The following GRID2 variants were observed in gnomAD, a reference collection of about 807,000 sequenced individuals.
GRID2 encodes the protein glutamate ionotropic receptor delta type subunit 2.
Under a neutral mutation model 114.8 loss-of-function variants are expected in GRID2, and 33 were observed. That is an observed-to-expected ratio of 0.29 (90% CI 0.22 to 0.38). The LOEUF is 0.38. Among genes scored for constraint, GRID2 ranks in the 10% least tolerant of loss-of-function variants. GRID2 has a pLI of 1.00. For synonymous variants in GRID2, 505 were observed against 449.9 expected, an observed-to-expected ratio of 1.12 and a Z score of -1.55; for missense variants, 1,184 against 1,257.7, an observed-to-expected ratio of 0.94 and a Z score of 0.89.
At chr4:93,718,561 T>A (rs1426433622) in intron 14 of GRID2, among the ~76,000 whole-genome samples, 1 of 152,208 alleles carries the variant, frequency 6.6e-6, no homozygotes, top group East Asian at 1.9e-4. Context: ...TTTTGTTTGA[T>A]GATTCATCCA....
chr4:92,528,819 G>GT (rs1452938069), intron 1 of GRID2, among the ~76,000 whole-genome samples: 10 of 83,650 alleles, frequency 1.2e-4, no homozygotes, highest in East Asian at 1.1e-3. Context: ...AGAACATCCT[G>GT]TAAAAAAAAA....
chr4:92,871,421 A>G (rs1346804639), intron 2 of GRID2, among the ~76,000 whole-genome samples: 4 of 152,182 alleles, frequency 2.6e-5, no homozygotes, highest in African/African-American at 9.7e-5. Flanking sequence ...AACTTAACCT[A>G]GAAGGTCCCT....
chr4:92,885,002 T>C, intron 2 of GRID2: 1 of 270,380 alleles, frequency 3.7e-6, no homozygotes, highest in Non-Finnish European at 7.5e-6. Context: ...TAATTACTGC[T>C]GCACAGTGTT....
chr4:93,535,225 TACACATAC>T (rs1410700886), intron 13 of GRID2, among the ~76,000 whole-genome samples: 16 of 91,984 alleles, frequency 1.7e-4, no homozygotes, highest in African/African-American at 5.9e-4. Flanking sequence ...TACACACACA[TACACATAC>T]ACACACACAC....
At chr4:92,417,613 G>A (rs1731685078) in intron 1 of GRID2, among the ~76,000 whole-genome samples, 1 of 152,160 alleles carries the variant, frequency 6.6e-6, no homozygotes, top group Non-Finnish European at 1.5e-5. Context: ...ATATAATAGT[G>A]TTCAGAAATT....
Position 92,503,142 on chromosome 4 carries a change from T to G in GRID2, c.89-86989T>G, listed in dbSNP as rs909085180. Among the ~76,000 whole-genome samples, 6 of 152,276 alleles carry G rather than the reference T, an allele frequency of 3.9e-5. No homozygotes were observed. The South Asian group carries it at 8.3e-4, about 21-fold the overall frequency. ...TAGAAATCCAGAAAGCCTGTACTAA[T>G]TATGTACATGCTATATAGTATGTAA... On this transcript the variant is annotated intron_variant, in intron 1 of 15. Transcript: ENST00000282020.
intron 1 of GRID2, among the ~76,000 whole-genome samples, chr4:93,786,601 C>A (rs558568728): frequency 6.6e-6 from 1 of 152,156 alleles, no homozygotes; most frequent in South Asian, 2.1e-4. Context: ...GTTCAATTGC[C>A]TGATGTTTAG....
intron 2 of GRID2, among the ~76,000 whole-genome samples, chr4:92,885,771 A>G (rs1427276906): frequency 6.6e-6 from 1 of 152,176 alleles, no homozygotes; most frequent in African/African-American, 2.4e-5. Context: ...AAAGCAAAGG[A>G]ACTTTGATTT....
intron 4 of GRID2, among the ~76,000 whole-genome samples, chr4:93,195,715 T>C (rs531035474): frequency 1.4e-4 from 21 of 152,256 alleles, no homozygotes; most frequent in Admixed American, 7.2e-4. Flanking sequence ...GAATTTGCAA[T>C]AACACCAAAG....
chr4:93,780,078 G>C (rs765761845), intron 1 of GRID2, among the ~76,000 whole-genome samples: 11 of 152,224 alleles, frequency 7.2e-5, no homozygotes, highest in Admixed American at 1.3e-4. Flanking sequence ...TAATAAGCCA[G>C]AAAGTAAGTG....
At chr4:92,886,771 G>A (rs960806579) in intron 2 of GRID2, among the ~76,000 whole-genome samples, 4 of 152,044 alleles carry the variant, frequency 2.6e-5, no homozygotes, top group Middle Eastern at 6.8e-3. Context: ...GACTACAGGT[G>A]CCCGCCACCA....
intron 1 of GRID2, among the ~76,000 whole-genome samples, chr4:92,463,815 T>G (rs1721611656): frequency 6.6e-6 from 1 of 152,072 alleles, no homozygotes; most frequent in South Asian, 2.1e-4. Flanking sequence ...ATTTCTTGTG[T>G]GGTAGTAAGT....
intron 14 of GRID2, among the ~76,000 whole-genome samples, chr4:93,705,000 C>T (rs1417178256): frequency 2.6e-5 from 4 of 152,036 alleles, no homozygotes; most frequent in Admixed American, 6.6e-5. Flanking sequence ...CATGGTAACT[C>T]TATTTTTAGT....
chr4:92,618,564 G>A (rs1730117484), intron 2 of GRID2, among the ~76,000 whole-genome samples: 1 of 151,560 alleles, frequency 6.6e-6, no homozygotes, highest in East Asian at 1.9e-4. Context: ...AATAAGAGTT[G>A]CATTGAATCT....
At chr4:93,759,320 A>T (rs1287451016) in intron 14 of GRID2, among the ~76,000 whole-genome samples, 2 of 152,134 alleles carry the variant, frequency 1.3e-5, no homozygotes, top group Non-Finnish European at 2.9e-5. Context: ...GATCAATTTG[A>T]ATGGGCACCA....
chr4:92,309,392 T>C (rs1725582736), intron 1 of GRID2, among the ~76,000 whole-genome samples: 1 of 151,996 alleles, frequency 6.6e-6, no homozygotes, highest in Admixed American at 6.6e-5. Flanking sequence ...ATATTTTAGA[T>C]TACAGACAGC....
rs1191138878 is a variant in GRID2 at position 92,485,340 on chromosome 4, A to AG, written c.89-104791_89-104790insG. ...TATATATATATATATATATATATAT[A>AG]TATATATAGTGTGTGTGTGTGTGTG... On this transcript the variant is annotated intron_variant, in intron 1 of 15. Coordinates refer to ENST00000282020, the MANE Select transcript of GRID2 (RefSeq NM_001510.4). Among the ~76,000 whole-genome samples the AG allele has an allele frequency of 6.3e-3, 515 of 82,334 alleles. 2 individuals carry two copies. The highest frequency in any genetic ancestry group is 9.6e-3 in the Non-Finnish European group (387 of 40,210). 54.0% of individuals were successfully genotyped at this position (82,334 alleles called of 152,430 possible). A position where few individuals can be genotyped will look rare whatever the true frequency, so the allele number is the denominator to read the frequency against.
At chr4:92,901,429 A>G (rs948736542) in intron 2 of GRID2, among the ~76,000 whole-genome samples, 3 of 152,060 alleles carry the variant, frequency 2.0e-5, no homozygotes, top group Non-Finnish European at 4.4e-5. Context: ...TGTTCACCCA[A>G]TCTGTAGGTT....
rs960740513 is a variant in GRID2 at position 93,295,820 on chromosome 4, C to G, written c.1245+57330C>G. Among the ~76,000 whole-genome samples, 6 of 152,240 alleles carry G rather than the reference C, an allele frequency of 3.9e-5. 1 individual carries two copies. In the Middle Eastern group the frequency reaches 0.01, roughly 259 times the overall value. On this transcript the variant is annotated intron_variant, in intron 8 of 15. Transcript: ENST00000282020. Reference sequence around the variant, plus strand: ...TTTATTGGATAACTGGGACTATATCCTAGTTGATACATAAAACTGACCATC... The same window carrying G: ...TTTATTGGATAACTGGGACTATATCGTAGTTGATACATAAAACTGACCATC...
Sources: gnomAD v4.1 joint callset for allele counts (sites outside exome capture counted in the v4.1 genomes callset) on GRCh38, gnomAD v4.1.1 for gene constraint, MANE v1.5 for transcripts, NCBI Gene and HGNC (gene_info 2026-07-23, HGNC 2026-07-21) for gene names.